The following ATF7IP variants were observed in gnomAD, a reference collection of about 807,000 sequenced individuals.
ATF7IP encodes activating transcription factor 7 interacting protein.
A neutral mutation model predicts 106.4 loss-of-function variants in ATF7IP; 23 were observed. The ratio of observed to expected loss-of-function variants is 0.22; its 90% CI spans 0.16 to 0.31. The LOEUF (loss-of-function observed/expected upper bound fraction) is 0.31. Among genes scored for constraint, ATF7IP ranks in the 10% least tolerant of loss-of-function variants. The probability of loss-of-function intolerance (pLI) is 1.00; values close to 1 mark genes in which losing one functional copy is unlikely to be tolerated. For missense variants in ATF7IP, 1,334 were observed against 1,524.3 expected, an observed-to-expected ratio of 0.88 and a Z score of 2.08; for synonymous variants, 542 against 539.0, an observed-to-expected ratio of 1.01 and a Z score of -0.08.
Position 14,498,258 on chromosome 12 carries a change from C to G in ATF7IP, c.*185C>G. 1 of 590,204 alleles carries G rather than the reference C, an allele frequency of 1.7e-6. No individual in the cohort carries two copies. Among genetic ancestry groups the G allele is most frequent in the Non-Finnish European group, 2.9e-6 (1 of 345,888 alleles). The allele number at this position is 590,204 out of a possible 1,614,324, so 36.6% of individuals were successfully genotyped here. A position where few individuals can be genotyped will look rare whatever the true frequency, so the allele number is the denominator to read the frequency against. On this transcript the variant is annotated 3_prime_UTR_variant, in exon 15 of 15. Coordinates refer to ENST00000261168, the MANE Select transcript of ATF7IP (RefSeq NM_018179.5). ...TCAGCCCACAAAGCTAGAATCTTTT[C>G]CTGGACAGTTTAGGCTTTGGGGTTT...
At chr12:14,497,609 G>T (rs781023686) in intron 14 of ATF7IP, 45 bp from the exon 15 acceptor site, 15 of 1,541,730 alleles carry the variant, frequency 9.7e-6, no homozygotes, top group Non-Finnish European at 1.1e-5. Context: ...TTCTAAAATA[G>T]TTCTTTTTGC....
At chr12:14,366,130 G>GT (rs370147109) in intron 1 of ATF7IP, among the ~76,000 whole-genome samples, 88 of 152,332 alleles carry the variant, frequency 5.8e-4, no homozygotes, top group African/African-American at 2.1e-3. Context: ...GTTTCTTTGT[G>GT]TTAACCTTAA....
intron 5 of ATF7IP, among the ~76,000 whole-genome samples, chr12:14,444,994 T>TG (rs925868894): frequency 1.7e-4 from 25 of 149,676 alleles, no homozygotes; most frequent in African/African-American, 6.1e-4. Context: ...CACCTAGTTT[T>TG]TTTTTTTTTT....
chr12:14,474,325 TTC>T (rs1394733104), intron 10 of ATF7IP, among the ~76,000 whole-genome samples: 3 of 151,744 alleles, frequency 2.0e-5, no homozygotes, highest in African/African-American at 7.2e-5. Context: ...GCTTTATTAT[TTC>T]TTTTTTTTTC....
At chr12:14,471,710 C>T (rs1394646565) in intron 10 of ATF7IP, among the ~76,000 whole-genome samples, 3 of 152,086 alleles carry the variant, frequency 2.0e-5, no homozygotes, top group African/African-American at 7.2e-5. Flanking sequence ...CCTTACAAAA[C>T]CATCAGATCT....
intron 3 of ATF7IP, 140 bp from the exon 4 acceptor site, chr12:14,435,966 A>G (rs1942382953): frequency 2.5e-6 from 2 of 791,768 alleles, no homozygotes; most frequent in African/African-American, 1.8e-5. Flanking sequence ...TATACCTTCT[A>G]AGATCTCCAA....
In ATF7IP at chr12:14,406,543, T is replaced by C. The variant is rs139394660; in HGVS notation, c.-7-17366T>C. 3.2e-3 allele frequency among the ~76,000 whole-genome samples: 484 copies of C among 151,780 alleles called. 7 individuals are homozygous for C. The highest frequency in any genetic ancestry group is 0.011 in the African/African-American group (456 of 41,364). On this transcript the variant is annotated intron_variant, in intron 1 of 14. Coordinates refer to ENST00000261168, the MANE Select transcript of ATF7IP (RefSeq NM_018179.5). ...TATTTTAAGATATTTTAGATATAAA[T>C]ATAATTGTGGTTAAATTTTGGATAT...
At chr12:14,474,681 G>A (rs1007219435) in intron 10 of ATF7IP, among the ~76,000 whole-genome samples, 2 of 152,144 alleles carry the variant, frequency 1.3e-5, no homozygotes, top group African/African-American at 2.4e-5. Context: ...TTACAGGCGC[G>A]AGCCACTGCT....
chr12:14,489,012 C>T (rs1372802743), intron 13 of ATF7IP, among the ~76,000 whole-genome samples: 1 of 152,196 alleles, frequency 6.6e-6, no homozygotes. Flanking sequence ...TTGATGACTA[C>T]CTTTTTCTAC....
chr12:14,425,018 A>G lies in ATF7IP; in HGVS notation c.1103A>G (p.Glu368Gly). Residue 368 changes from glutamate (E) to glycine (G), a missense_variant, in exon 2 of 15, where the codon GAA becomes GGA. Coordinates refer to ENST00000261168, the MANE Select transcript of ATF7IP (RefSeq NM_018179.5). ...TGTTCAGATCGACCTCCTGAAAATG[A>G]AAAGAAGGTAGAGGAAGATATTATC... ...TICSDRPPEN[E>G]KKVEEDIITE... 6.2e-7 allele frequency: 1 copy of G among 1,611,704 alleles called. No individual in the cohort carries two copies.
chr12:14,368,246 TTTA>T (rs1421224485), intron 1 of ATF7IP, among the ~76,000 whole-genome samples: 3 of 152,046 alleles, frequency 2.0e-5, no homozygotes, highest in Non-Finnish European at 1.5e-5. Context: ...TCTATAAATG[TTTA>T]TTAATTAGTT....
intron 1 of ATF7IP, among the ~76,000 whole-genome samples, chr12:14,393,537 TAA>T (rs3083696): frequency 0.073 from 11,068 of 152,226 alleles, 783 homozygotes; most frequent in Admixed American, 0.24. Flanking sequence ...ATTGTCTATA[TAA>T]GTCTACCATT....
intron 8 of ATF7IP, among the ~76,000 whole-genome samples, chr12:14,457,723 A>G (rs1943483273): frequency 6.6e-6 from 1 of 152,216 alleles, no homozygotes; most frequent in Non-Finnish European, 1.5e-5. Flanking sequence ...GGTTACATCC[A>G]TTGATATTTA....
chr12:14,460,302 C>G (rs969219835), intron 8 of ATF7IP, among the ~76,000 whole-genome samples, 193 bp from the exon 9 acceptor site: 1 of 151,958 alleles, frequency 6.6e-6, no homozygotes, highest in Non-Finnish European at 1.5e-5. Context: ...ACTAAAACTA[C>G]ATGCAAAATG....
intron 13 of ATF7IP, among the ~76,000 whole-genome samples, chr12:14,482,996 A>G (rs908952214): frequency 1.3e-5 from 2 of 152,220 alleles, no homozygotes; most frequent in Admixed American, 6.5e-5. Context: ...GGAAATAAAG[A>G]TATTTTCTTG....
At chr12:14,483,368 C>T (rs925919085) in intron 13 of ATF7IP, among the ~76,000 whole-genome samples, 5 of 152,186 alleles carry the variant, frequency 3.3e-5, no homozygotes, top group South Asian at 2.1e-4. Context: ...AGTAGACTAA[C>T]TTCTTCTTGG....
In ATF7IP at chr12:14,436,209, A is replaced by G; in HGVS notation, c.1749A>G (p.Val583=). Residue 583 remains valine (V), a synonymous_variant, in exon 4 of 15, where the codon GTA becomes GTG. Coordinates refer to ENST00000261168, the MANE Select transcript of ATF7IP (RefSeq NM_018179.5). ...AAGAATATGAGGCAGAATTTCAAGT[A>G]AAGATTACAGCCAAAGGAGACATTA... ...MEEEYEAEFQ[V]KITAKGDINQ... The G allele has an allele frequency of 6.2e-7, 1 of 1,613,730 alleles. No individual in the cohort carries two copies. Among genetic ancestry groups the G allele is most frequent in the Non-Finnish European group, 8.5e-7 (1 of 1,179,770 alleles).
Position 14,498,195 on chromosome 12 carries a change from A to T in ATF7IP, c.*122A>T. Reference sequence around the variant, plus strand: ...CAAGATTTCTTGGACAGATGTGTGTATACACTACATTTGTTTATAACCAGA... The same window carrying T: ...CAAGATTTCTTGGACAGATGTGTGTTTACACTACATTTGTTTATAACCAGA... On this transcript the variant is annotated 3_prime_UTR_variant, in exon 15 of 15. Transcript: ENST00000261168. 1 of 906,160 alleles carries T rather than the reference A, an allele frequency of 1.1e-6. No homozygotes were observed. Among genetic ancestry groups the T allele is most frequent in the South Asian group, 1.7e-5 (1 of 58,172 alleles). 56.1% of individuals were successfully genotyped at this position (906,160 alleles called of 1,614,324 possible). A position where few individuals can be genotyped will look rare whatever the true frequency, so the allele number is the denominator to read the frequency against.
At chr12:14,438,949 A>G (rs895446153) in intron 5 of ATF7IP, among the ~76,000 whole-genome samples, 1 of 152,208 alleles carries the variant, frequency 6.6e-6, no homozygotes, top group Non-Finnish European at 1.5e-5. Flanking sequence ...TAAGTACTAA[A>G]TAATATTTGT....
Sources: gnomAD v4.1 joint callset for allele counts (sites outside exome capture counted in the v4.1 genomes callset) on GRCh38, gnomAD v4.1.1 for gene constraint, MANE v1.5 for transcripts, NCBI Gene and HGNC (gene_info 2026-07-23, HGNC 2026-07-21) for gene names.